The following MAF variants were observed in gnomAD, a reference collection of about 807,000 sequenced individuals.
MAF encodes transcription factor Maf.
Under a neutral mutation model 22.0 loss-of-function variants are expected in MAF, and 10 were observed. The observed-to-expected ratio is 0.45, with a 90% CI of 0.28 to 0.77. The LOEUF (loss-of-function observed/expected upper bound fraction) is 0.77, where lower values mean the gene tolerates loss of function less well. Ranked by LOEUF, MAF falls within the 30% of genes least tolerant of loss-of-function variation. The pLI, the probability that MAF is intolerant of heterozygous loss-of-function variation, is 0.12. For synonymous variants in MAF, 337 were observed against 255.8 expected, an observed-to-expected ratio of 1.32 and a Z score of -3.03; for missense variants, 544 against 548.4, an observed-to-expected ratio of 0.99 and a Z score of 0.08.
At chr16:79,250,866 T>C in the MAF span, among the ~76,000 whole-genome samples, 2 of 152,152 alleles carry the variant, frequency 1.3e-5, no homozygotes, top group Non-Finnish European at 2.9e-5. Flanking sequence ...TCCCAGAACT[T>C]GGGACTTTCA....
At chr16:79,422,580 C>T in the MAF span, among the ~76,000 whole-genome samples, 1 of 152,112 alleles carries the variant, frequency 6.6e-6, no homozygotes. Flanking sequence ...TGGGGTTTAG[C>T]AGAGAGTAAG....
chr16:79,598,846 T>A lies in MAF; in HGVS notation c.1057A>T (p.Ser353Cys), dbSNP rs749981151. ...GAGCCGTTTTCTCGGAAGCCGCTGC[T>A]CACCAACTTCTCGTATTTCTCCTTG... ...AYKEKYEKLV[S>C]SGFRENGSSS... The change falls in exon 1 of 2, where the codon AGC becomes TGC. Residue 353 changes from serine (S) to cysteine (C), a missense_variant. Ser to Cys is a moderately radical substitution (Grantham distance 112, BLOSUM62 -1). Around this residue, in one of 5 missense-constraint regions of MAF, gnomAD observed 129 missense variants for 113.6 expected, o/e 1.14. Coordinates refer to ENST00000326043, the MANE Select transcript of MAF (RefSeq NM_005360.5). 6.2e-7 allele frequency: 1 copy of A among 1,613,784 alleles called. No individual in the cohort carries two copies. Among genetic ancestry groups the A allele is most frequent in the Non-Finnish European group, 8.5e-7 (1 of 1,179,978 alleles).
the MAF span, among the ~76,000 whole-genome samples, chr16:79,207,409 C>G: frequency 2.0e-5 from 3 of 152,264 alleles, no homozygotes; most frequent in Non-Finnish European, 1.5e-5. Flanking sequence ...ACACTGCCGT[C>G]TTCAAAAGGG....
the MAF span, among the ~76,000 whole-genome samples, chr16:79,419,843 T>A: frequency 3.3e-5 from 5 of 152,128 alleles, no homozygotes; most frequent in African/African-American, 1.2e-4. Flanking sequence ...GTTCATCCAT[T>A]AACCACCCTT....
At chr16:79,228,373 CTAA>C in the MAF span, among the ~76,000 whole-genome samples, 1 of 152,014 alleles carries the variant, frequency 6.6e-6, no homozygotes, top group Admixed American at 6.6e-5. Flanking sequence ...GTCTGATCTC[CTAA>C]TAATATCACA....
chr16:79,234,931 C>T, the MAF span, among the ~76,000 whole-genome samples: 1 of 152,106 alleles, frequency 6.6e-6, no homozygotes, highest in South Asian at 2.1e-4. Flanking sequence ...CTTTACACTC[C>T]TGCCATTCAC....
the MAF span, among the ~76,000 whole-genome samples, chr16:79,407,206 T>C: frequency 6.6e-6 from 1 of 152,152 alleles, no homozygotes; most frequent in Admixed American, 6.5e-5. Context: ...CGGGTTTTAT[T>C]AACCTCGGTG....
the MAF span, among the ~76,000 whole-genome samples, chr16:79,387,120 A>T: frequency 6.6e-6 from 1 of 152,190 alleles, no homozygotes; most frequent in Non-Finnish European, 1.5e-5. Context: ...AAAGTAAGCA[A>T]ATTCTCTGCT....
the MAF span, among the ~76,000 whole-genome samples, chr16:79,523,792 G>A: frequency 5.9e-5 from 9 of 152,108 alleles, no homozygotes; most frequent in Admixed American, 2.6e-4. Flanking sequence ...AAAATCATGC[G>A]CATCGTTATC....
At chr16:79,410,096 C>T in the MAF span, among the ~76,000 whole-genome samples, 1 of 152,214 alleles carries the variant, frequency 6.6e-6, no homozygotes, top group African/African-American at 2.4e-5. Context: ...AGTGGCCATA[C>T]TTCAACCACT....
chr16:79,597,732 G>A (rs978480751), intron 1 of MAF: 3 of 1,018,472 alleles, frequency 2.9e-6, no homozygotes, highest in Non-Finnish European at 3.5e-6. Flanking sequence ...GTCTTCGAAC[G>A]TCCATTTCCA....
chr16:79,366,819 T>C, the MAF span, among the ~76,000 whole-genome samples: 3 of 152,236 alleles, frequency 2.0e-5, no homozygotes, highest in African/African-American at 4.8e-5. Flanking sequence ...GCCCTTGAGA[T>C]TGGGGCATTG....
the MAF span, among the ~76,000 whole-genome samples, chr16:79,536,994 C>G: frequency 3.6e-3 from 551 of 152,168 alleles, 2 homozygotes; most frequent in African/African-American, 0.012. Context: ...TTATGTATAC[C>G]ATAGGCTTAG....
the MAF span, among the ~76,000 whole-genome samples, chr16:79,546,078 C>T: frequency 6.6e-6 from 1 of 151,868 alleles, no homozygotes; most frequent in African/African-American, 2.4e-5. Context: ...TATATCACTA[C>T]ATTGGAAAAA....
the MAF span, among the ~76,000 whole-genome samples, chr16:79,335,871 C>T: frequency 2.6e-5 from 4 of 152,118 alleles, no homozygotes; most frequent in South Asian, 2.1e-4. Flanking sequence ...AGAGACAGCC[C>T]GGTGAGGTTG....
At chr16:79,465,290 G>A in the MAF span, among the ~76,000 whole-genome samples, 14 of 152,130 alleles carry the variant, frequency 9.2e-5, no homozygotes, top group Non-Finnish European at 1.0e-4. Flanking sequence ...TGGCAGAGTA[G>A]GTCTTAAAAA....
chr16:79,597,569 G>C, intron 1 of MAF: 1 of 1,023,080 alleles, frequency 9.8e-7, no homozygotes. Flanking sequence ...AATGCCTTCA[G>C]TGCATTGGGA....
chr16:79,296,310 T>G, the MAF span, among the ~76,000 whole-genome samples: 1 of 152,010 alleles, frequency 6.6e-6, no homozygotes, highest in Non-Finnish European at 1.5e-5. Context: ...AAAAATCAGC[T>G]CTGAACAATG....
chr16:79,402,346 C>G, the MAF span, among the ~76,000 whole-genome samples: 3 of 152,302 alleles, frequency 2.0e-5, no homozygotes, highest in East Asian at 3.9e-4. Context: ...AGAAAGCGAG[C>G]AGGAGACAGA....
Sources: allele counts gnomAD v4.1 joint callset (sites outside exome capture counted in the v4.1 genomes callset), GRCh38; gene constraint gnomAD v4.1.1; regional missense constraint gnomAD v4.1.1; transcripts MANE v1.5; gene names NCBI Gene and HGNC (gene_info 2026-07-23, HGNC 2026-07-21).